Variants in OR51B5 observed in about 807,000 individuals in gnomAD.
OR51B5 encodes olfactory receptor 51B5.
For missense variants in OR51B5, 456 were observed against 374.6 expected (o/e 1.22, Z -1.79); for synonymous variants, 186 against 144.8 (o/e 1.28, Z -2.04).
At chr11:5,464,004 A>G (rs1027510085) in intron 1 of OR51B5, among the ~76,000 whole-genome samples, 1 of 152,226 alleles carries the variant, frequency 6.6e-6, no homozygotes, top group Non-Finnish European at 1.5e-5. Context: ...CCACAGTGCT[A>G]TGTATTTAAG....
rs1338884509 is a variant in OR51B5, at chr11:5,371,462, C to CAGTGAT, written n.85-24558_85-24553dup. 5.9e-5 allele frequency among the ~76,000 whole-genome samples: 9 copies of CAGTGAT among 152,016 alleles called. No individual in the cohort carries two copies. The South Asian group carries it at 1.7e-3, about 28-fold the overall frequency. ...CCAGAGGCAGAGGTACCCTGAGAGA[C>CAGTGAT]AGTGATAGCTGTATCTAAAGAGTAC... On this transcript the variant is annotated intron_variant and non_coding_transcript_variant, in intron 1 of 4. Transcript: ENST00000415970.
chr11:5,438,679 A>C (rs188012593), intron 1 of OR51B5, among the ~76,000 whole-genome samples: 100 of 152,198 alleles, frequency 6.6e-4, no homozygotes, highest in Non-Finnish European at 5.9e-4. Context: ...ATATTTGTTC[A>C]CTCTGATAAT....
At chr11:5,468,198 A>G (rs543686562) in intron 1 of OR51B5, among the ~76,000 whole-genome samples, 1 of 152,326 alleles carries the variant, frequency 6.6e-6, no homozygotes, top group Admixed American at 6.5e-5. Flanking sequence ...GAAAGCATAG[A>G]TGTTATTAGT....
At chr11:5,404,877 A>G (rs142344589) in intron 1 of OR51B5, among the ~76,000 whole-genome samples, 2,112 of 152,302 alleles carry the variant, frequency 0.014, 45 homozygotes, top group African/African-American at 0.048. Flanking sequence ...AGTCAGCAAG[A>G]CCAGGAACCC....
At chr11:5,468,142 A>G (rs1851165812) in intron 1 of OR51B5, among the ~76,000 whole-genome samples, 1 of 152,254 alleles carries the variant, frequency 6.6e-6, no homozygotes, top group South Asian at 2.1e-4. Flanking sequence ...ATAACATTAT[A>G]TAACGAATGT....
intron 1 of OR51B5, chr11:5,453,879 C>A (rs780180209): frequency 6.2e-7 from 1 of 1,614,176 alleles, no homozygotes; most frequent in South Asian, 1.1e-5. Context: ...TGACCCCTTG[C>A]GCTATGCAAC....
chr11:5,440,566 T>C (rs1213084723), intron 1 of OR51B5: 4 of 1,608,616 alleles, frequency 2.5e-6, no homozygotes, highest in South Asian at 1.1e-5. Context: ...GCCTTCAGCC[T>C]TCCTCAGGCC....
intron 1 of OR51B5, among the ~76,000 whole-genome samples, chr11:5,497,955 T>A (rs564027928): frequency 1.3e-5 from 2 of 152,284 alleles, no homozygotes; most frequent in East Asian, 3.9e-4. Context: ...ATGAAACAAC[T>A]AATGACTGGT....
chr11:5,371,022 C>T (rs1285760020), intron 1 of OR51B5, among the ~76,000 whole-genome samples: 1 of 152,098 alleles, frequency 6.6e-6, no homozygotes, highest in Non-Finnish European at 1.5e-5. Flanking sequence ...TGGGGCTACC[C>T]AAAGGGACTG....
intron 1 of OR51B5, among the ~76,000 whole-genome samples, chr11:5,384,901 A>T (rs534250592): frequency 5.1e-4 from 78 of 152,326 alleles, no homozygotes; most frequent in African/African-American, 1.8e-3. Flanking sequence ...AATGTTCTCT[A>T]GGGGTTCAAA....
At chr11:5,438,029 G>A (rs1271405674) in intron 1 of OR51B5, among the ~76,000 whole-genome samples, 1 of 152,092 alleles carries the variant, frequency 6.6e-6, no homozygotes, top group Non-Finnish European at 1.5e-5. Context: ...TATTGTTATA[G>A]GATTGGTTGG....
At chr11:5,460,474 CT>C (rs1851033819) in intron 1 of OR51B5, among the ~76,000 whole-genome samples, 1 of 2,892 alleles carries the variant, frequency 3.5e-4, no homozygotes, top group African/African-American at 3.8e-4. Flanking sequence ...GCTGTGTCAT[CT>C]TTCAACTCGA....
chr11:5,471,892 C>A (rs1851235560), intron 1 of OR51B5, among the ~76,000 whole-genome samples: 1 of 151,982 alleles, frequency 6.6e-6, no homozygotes, highest in Non-Finnish European at 1.5e-5. Flanking sequence ...ATTCAGACTC[C>A]CGGCACAAGA....
At chr11:5,346,665 T>G (rs897551413), upstream of OR51B5, among the ~76,000 whole-genome samples, 12 of 152,190 alleles carry the variant, frequency 7.9e-5, no homozygotes, top group Admixed American at 7.9e-4. Context: ...TGGAATTGCT[T>G]TTGAAGTTCT....
At chr11:5,362,133 C>T (rs1849293811) in intron 1 of OR51B5, among the ~76,000 whole-genome samples, 1 of 152,202 alleles carries the variant, frequency 6.6e-6, no homozygotes, top group South Asian at 2.1e-4. Flanking sequence ...TCAGAGAGAG[C>T]TTGTTGGTTC....
intron 1 of OR51B5, among the ~76,000 whole-genome samples, chr11:5,387,956 T>C (rs1011716179): frequency 1.3e-5 from 2 of 152,166 alleles, no homozygotes; most frequent in African/African-American, 4.8e-5. Context: ...GTATTTTCAG[T>C]ACCTAGGTGT....
chr11:5,341,968 AAATATGAGTTTATGGTTTTTG>A (rs1301145847), downstream of OR51B5, among the ~76,000 whole-genome samples: 7 of 152,344 alleles, frequency 4.6e-5, no homozygotes, highest in South Asian at 1.2e-3. Flanking sequence ...CTTGGGGAAT[AAATATGAGTTTATGGTTTTTG>A]AGACAAATTC....
intron 1 of OR51B5, among the ~76,000 whole-genome samples, chr11:5,400,471 A>G (rs1381199669): frequency 6.6e-6 from 1 of 151,670 alleles, no homozygotes; most frequent in Non-Finnish European, 1.5e-5. Context: ...TTCCTGCACT[A>G]CATTGCATGC....
intron 1 of OR51B5, among the ~76,000 whole-genome samples, chr11:5,359,538 G>C (rs1414816798): frequency 7.4e-6 from 1 of 134,402 alleles, no homozygotes; most frequent in Non-Finnish European, 1.7e-5. Flanking sequence ...TGGGTAGGAA[G>C]AATCAATATC....
Sources: gnomAD v4.1 joint callset for allele counts (sites outside exome capture counted in the v4.1 genomes callset) on GRCh38, gnomAD v4.1.1 for gene constraint, MANE v1.5 for transcripts, NCBI Gene and HGNC (gene_info 2026-07-23, HGNC 2026-07-21) for gene names.